SAMD4A: variants seen among roughly 807,000 people sequenced by gnomAD.
SAMD4A encodes the protein sterile alpha motif domain containing 4A.
Under a neutral mutation model 81.3 loss-of-function variants are expected in SAMD4A, and 33 were observed. The observed-to-expected ratio is 0.41, with a 90% CI of 0.31 to 0.54. The LOEUF (loss-of-function observed/expected upper bound fraction) is 0.54. Among genes scored for constraint, SAMD4A ranks in the 20% least tolerant of loss-of-function variants. SAMD4A has a pLI of 0.37. For synonymous variants in SAMD4A, 389 were observed against 382.1 expected (o/e 1.02, Z -0.21); for missense variants, 854 against 951.1 (o/e 0.90, Z 1.34).
Position 54,647,896 on chromosome 14 carries a change from A to G in SAMD4A, c.197-54166A>G, listed in dbSNP as rs1318543893. Among the ~76,000 whole-genome samples the G allele has an allele frequency of 2.0e-5, 3 of 152,298 alleles. No individual in the cohort carries two copies. The East Asian group carries it at 5.8e-4, about 29-fold the overall frequency. On this transcript the variant is annotated intron_variant, in intron 2 of 12. Coordinates refer to ENST00000554335, the MANE Select transcript of SAMD4A (RefSeq NM_015589.6). ...TGAGCCCTACAGCTGCGCTGTTGAT[A>G]AAAGTGTTGGGTTGTATAAAATGTT...
At chr14:54,770,011 A>G in intron 8 of SAMD4A, 93 bp from the exon 9 acceptor site, 1 of 793,798 alleles carries the variant, frequency 1.3e-6, no homozygotes. Context: ...AGGCAACTGC[A>G]GAGACTCCAA....
chr14:54,752,202 C>CCTAGACAGG (rs1369785782), intron 6 of SAMD4A, among the ~76,000 whole-genome samples: 1 of 152,222 alleles, frequency 6.6e-6, no homozygotes, highest in East Asian at 1.9e-4. Context: ...TTATTTGCTG[C>CCTAGACAGG]CTAGACAGGT....
At chr14:54,687,938 G>C in intron 2 of SAMD4A, 1 of 986,834 alleles carries the variant, frequency 1.0e-6, no homozygotes, top group Non-Finnish European at 1.2e-6. Context: ...CTCTGTGGCT[G>C]ATGCCTCTGA....
intron 2 of SAMD4A, among the ~76,000 whole-genome samples, chr14:54,668,517 C>T (rs546254356): frequency 3.4e-4 from 51 of 152,162 alleles, no homozygotes; most frequent in Non-Finnish European, 5.6e-4. Flanking sequence ...CGTCCAGTTT[C>T]CCCAAATGCC....
chr14:54,724,351 A>G (rs1005827043), intron 3 of SAMD4A, among the ~76,000 whole-genome samples: 2 of 152,200 alleles, frequency 1.3e-5, no homozygotes, highest in Non-Finnish European at 2.9e-5. Context: ...GAGCTTTGAC[A>G]AGTCAGCTAT....
intron 2 of SAMD4A, among the ~76,000 whole-genome samples, chr14:54,666,765 C>G (rs143477984): frequency 9.9e-4 from 150 of 152,164 alleles, no homozygotes; most frequent in African/African-American, 3.2e-3. Context: ...GTGCAATTGA[C>G]AGGGAGCATT....
intron 2 of SAMD4A, among the ~76,000 whole-genome samples, chr14:54,596,333 C>T: frequency 6.6e-6 from 1 of 152,142 alleles, no homozygotes; most frequent in East Asian, 1.9e-4. Flanking sequence ...GCCTGTAATC[C>T]CAGCACTTTG....
chr14:54,631,045 G>C (rs2034891815), intron 2 of SAMD4A, among the ~76,000 whole-genome samples: 1 of 151,580 alleles, frequency 6.6e-6, no homozygotes, highest in Non-Finnish European at 1.5e-5. Flanking sequence ...TGATGGTGTA[G>C]TTCCAGTCCA....
chr14:54,669,467 T>TTTTA (rs397962291), intron 2 of SAMD4A, among the ~76,000 whole-genome samples: 5 of 149,112 alleles, frequency 3.4e-5, no homozygotes, highest in African/African-American at 1.2e-4. Context: ...TTTTTTTTTT[T>TTTTA]AGAGAGAGAC....
chr14:54,697,910 C>A (rs1256382988), intron 2 of SAMD4A, among the ~76,000 whole-genome samples: 2 of 152,160 alleles, frequency 1.3e-5, no homozygotes, highest in East Asian at 3.8e-4. Context: ...ACTACAAGGA[C>A]CTCCCCATTG....
At chr14:54,595,226 T>C (rs2033880571) in intron 2 of SAMD4A, among the ~76,000 whole-genome samples, 1 of 152,104 alleles carries the variant, frequency 6.6e-6, no homozygotes, top group South Asian at 2.1e-4. Context: ...CTACAGACTG[T>C]CTTAGCAAAT....
At chr14:54,609,982 A>C (rs966030417) in intron 2 of SAMD4A, among the ~76,000 whole-genome samples, 5 of 152,178 alleles carry the variant, frequency 3.3e-5, no homozygotes, top group Non-Finnish European at 7.3e-5. Context: ...TGCTGATATT[A>C]AATCAGCGTA....
At chr14:54,705,088 A>G (rs7144112) in intron 3 of SAMD4A, among the ~76,000 whole-genome samples, 9,354 of 152,248 alleles carry the variant, frequency 0.061, 817 homozygotes, top group African/African-American at 0.18. Context: ...AACATTCACA[A>G]TATCTACCTT....
At chr14:54,663,885 T>C (rs1048424912) in intron 2 of SAMD4A, among the ~76,000 whole-genome samples, 4 of 152,214 alleles carry the variant, frequency 2.6e-5, no homozygotes, top group African/African-American at 7.2e-5. Context: ...ACCCATCCCA[T>C]CAGCTCAGTT....
At chr14:54,682,377 G>C (rs775092786) in intron 2 of SAMD4A, among the ~76,000 whole-genome samples, 75 of 152,218 alleles carry the variant, frequency 4.9e-4, no homozygotes, top group Admixed American at 2.1e-3. Context: ...ATAATAAGCA[G>C]GTTTCCCTGT....
intron 3 of SAMD4A, among the ~76,000 whole-genome samples, chr14:54,718,071 A>T (rs1566601625): frequency 6.6e-6 from 1 of 152,074 alleles, no homozygotes; most frequent in Non-Finnish European, 1.5e-5. Flanking sequence ...CTCAATCTAT[A>T]TGCAATTCAG....
intron 2 of SAMD4A, among the ~76,000 whole-genome samples, chr14:54,621,173 G>C (rs2034606228): frequency 6.6e-6 from 1 of 152,166 alleles, no homozygotes; most frequent in African/African-American, 2.4e-5. Flanking sequence ...TCAACTCCCT[G>C]ATTTCCTTTC....
chr14:54,616,325 T>C (rs28636044), intron 2 of SAMD4A, among the ~76,000 whole-genome samples: 3,427 of 152,362 alleles, frequency 0.022, 137 homozygotes, highest in African/African-American at 0.078. Context: ...TTTTTTCTTT[T>C]TGATTCTTTA....
At chr14:54,651,661 A>G (rs2035406498) in intron 2 of SAMD4A, among the ~76,000 whole-genome samples, 1 of 152,234 alleles carries the variant, frequency 6.6e-6, no homozygotes, top group South Asian at 2.1e-4. Flanking sequence ...ATATGTAATC[A>G]TGTGCATATT....
Sources: allele counts gnomAD v4.1 joint callset (sites outside exome capture counted in the v4.1 genomes callset), GRCh38; gene constraint gnomAD v4.1.1; transcripts MANE v1.5; gene names NCBI Gene and HGNC (gene_info 2026-07-23, HGNC 2026-07-21).